Variants in RPGRIP1L observed in about 807,000 individuals in gnomAD.
RPGRIP1L encodes protein fantom.
In RPGRIP1L, 131 loss-of-function variants were observed where a neutral mutation model predicts 160.4. The observed-to-expected ratio is 0.82, with a 90% confidence interval of 0.71 to 0.94. The LOEUF (loss-of-function observed/expected upper bound fraction) is 0.94, where lower values mean the gene tolerates loss of function less well. Among genes scored for constraint, RPGRIP1L ranks in the 40% least tolerant of loss-of-function variants. The probability of loss-of-function intolerance (pLI) is 0.00; values close to 1 mark genes in which losing one functional copy is unlikely to be tolerated. For synonymous variants in RPGRIP1L, 510 were observed against 515.8 expected (o/e 0.99, Z 0.15); for missense variants, 1,522 against 1,535.8 (o/e 0.99, Z 0.15).
chr16:53,604,031 T>C (rs1963525488), intron 26 of RPGRIP1L, among the ~76,000 whole-genome samples: 1 of 152,146 alleles, frequency 6.6e-6, no homozygotes. Flanking sequence ...ATACGAAGAA[T>C]ATAAAGCAAA....
chr16:53,626,145 TAAAAAAAA>T (rs760491478), intron 22 of RPGRIP1L, among the ~76,000 whole-genome samples: 1 of 60,534 alleles, frequency 1.7e-5, no homozygotes, highest in African/African-American at 6.3e-5. Flanking sequence ...CAATAAATAC[TAAAAAAAA>T]AAAAAAAAAA....
At chr16:53,681,107 A>C (rs1969570474) in intron 6 of RPGRIP1L, among the ~76,000 whole-genome samples, 1 of 152,190 alleles carries the variant, frequency 6.6e-6, no homozygotes, top group Admixed American at 6.5e-5. Context: ...GCAGAGGGGA[A>C]AGAGTGAGCC....
rs562083416 is a variant in RPGRIP1L at position 53,633,909 on chromosome 16, C to T, written c.3294+2530G>A. 7.9e-5 allele frequency among the ~76,000 whole-genome samples: 12 copies of T among 152,274 alleles called. No homozygotes were observed. The East Asian group carries it at 2.3e-3, about 29-fold the overall frequency. On this transcript the variant is annotated intron_variant, in intron 22 of 26. Transcript: ENST00000647211. ...TATTAAATGATTTGCTAAAGTAGTA[C>T]ACACAAAAACTGGTAAAATCAATAG...
chr16:53,606,645 G>A (rs966261990), intron 25 of RPGRIP1L, among the ~76,000 whole-genome samples: 2 of 151,954 alleles, frequency 1.3e-5, no homozygotes, highest in African/African-American at 4.8e-5. Flanking sequence ...ATGGAGTCTC[G>A]CTCTGTCACC....
intron 13 of RPGRIP1L, 70 bp from the exon 14 acceptor site, chr16:53,656,659 G>C: frequency 9.0e-7 from 1 of 1,116,310 alleles, no homozygotes; most frequent in East Asian, 2.4e-5. Flanking sequence ...AAGCAACTAT[G>C]ATTCAAGCAT....
Position 53,692,064 on chromosome 16 carries a change from AC to A in RPGRIP1L, c.529+1del, listed in dbSNP as rs1157969908. The A allele has an allele frequency of 1.2e-6, 2 of 1,613,702 alleles. No homozygotes were observed. The highest frequency in any genetic ancestry group is 1.7e-6 in the Non-Finnish European group (2 of 1,179,738). ...TTAGATTTAACGTAAGCTTTGTTTT[AC>A]CTTTCCTGGGGCATTCCTGTAAACC... On this transcript the variant is annotated splice_donor_variant, in intron 4 of 26. Transcript: ENST00000647211. LOFTEE classifies it high-confidence loss of function.
intron 25 of RPGRIP1L, among the ~76,000 whole-genome samples, chr16:53,606,604 G>T (rs1963700772): frequency 6.6e-6 from 1 of 151,996 alleles, no homozygotes; most frequent in Admixed American, 6.6e-5. Context: ...CTAGCAATAA[G>T]AATTTTTTTG....
rs1199920720 is a variant in RPGRIP1L, at chr16:53,598,287, C to G, written c.*3789G>C. The G allele has an allele frequency of 6.6e-6, 1 of 152,122 alleles. No individual in the cohort carries two copies. Among genetic ancestry groups the G allele is most frequent in the Non-Finnish European group, 1.5e-5 (1 of 68,012 alleles). The allele number at this position is 152,122 out of a possible 1,614,324, so 9.4% of individuals were successfully genotyped here. A position where few individuals can be genotyped will look rare whatever the true frequency, so the allele number is the denominator to read the frequency against. ...AGAGGCAAAAAGCAGAAAAGTCAAA[C>G]AGCATCTACCTCAGAAAACAGGTCA... On this transcript the variant is annotated 3_prime_UTR_variant, in exon 27 of 27. Transcript: ENST00000647211.
chr16:53,632,766 T>C (rs1236820559), intron 22 of RPGRIP1L, among the ~76,000 whole-genome samples: 1 of 152,180 alleles, frequency 6.6e-6, no homozygotes, highest in African/African-American at 2.4e-5. Context: ...TTCATTCCTT[T>C]GGCCTATGAT....
Position 53,657,566 on chromosome 16 carries a change from C to T in RPGRIP1L, c.1468G>A (p.Asp490Asn). The T allele has an allele frequency of 2.5e-6, 4 of 1,603,558 alleles. No individual in the cohort carries two copies. The highest frequency in any genetic ancestry group is 3.4e-6 in the Non-Finnish European group (4 of 1,171,718). ...AGCTCTCTCATAGAGCGTTCTAGAT[C>T]TTTATTAATTTCACTATCTACTTTC... Reference protein sequence around the residue: ...LVKVDSEINKDLERSMRELQA... With the variant: ...LVKVDSEINKNLERSMRELQA... Residue 490 changes from aspartate (D) to asparagine (N), a missense_variant, in exon 13 of 27, where the codon GAT becomes AAT. By Grantham distance (23) the Asp-to-Asn change is conservative (BLOSUM62 1). Coordinates refer to ENST00000647211, the MANE Select transcript of RPGRIP1L (RefSeq NM_015272.5).
intron 23 of RPGRIP1L, among the ~76,000 whole-genome samples, chr16:53,621,069 A>G (rs571354311): frequency 1.6e-4 from 25 of 152,348 alleles, no homozygotes; most frequent in African/African-American, 5.0e-4. Flanking sequence ...CTGTGAAAAG[A>G]GGAATTTAAA....
Position 53,599,033 on chromosome 16 carries a change from T to C in RPGRIP1L, c.*3043A>G, listed in dbSNP as rs1197289509. 1.3e-5 allele frequency: 2 copies of C among 152,222 alleles called. No homozygotes were observed. The highest frequency in any genetic ancestry group is 2.9e-5 in the Non-Finnish European group (2 of 68,036). 9.4% of individuals were successfully genotyped at this position (152,222 alleles called of 1,614,324 possible). ...TCCACAAAAATGTTAATCAGATTCTTGTTAGAACATGTGTAAGAACTGGTT... is the reference window on the plus strand; with the variant it reads ...TCCACAAAAATGTTAATCAGATTCTCGTTAGAACATGTGTAAGAACTGGTT... On this transcript the variant is annotated 3_prime_UTR_variant, in exon 27 of 27. Coordinates refer to ENST00000647211, the MANE Select transcript of RPGRIP1L (RefSeq NM_015272.5).
intron 14 of RPGRIP1L, among the ~76,000 whole-genome samples, chr16:53,654,987 C>T (rs547684885): frequency 1.3e-5 from 2 of 152,294 alleles, no homozygotes; most frequent in South Asian, 4.1e-4. Flanking sequence ...CTGATGGTCT[C>T]TGAAACCATT....
intron 17 of RPGRIP1L, among the ~76,000 whole-genome samples, chr16:53,642,254 T>G (rs1238897944): frequency 6.6e-6 from 1 of 152,054 alleles, no homozygotes; most frequent in Non-Finnish European, 1.5e-5. Flanking sequence ...TATTCACAGA[T>G]GCGATCATAG....
intron 22 of RPGRIP1L, among the ~76,000 whole-genome samples, chr16:53,634,287 A>G (rs1236135564): frequency 6.6e-6 from 1 of 152,188 alleles, no homozygotes; most frequent in East Asian, 1.9e-4. Context: ...ATAATGTTGC[A>G]TTGGGGATTA....
intron 22 of RPGRIP1L, chr16:53,635,717 T>C (rs1222288071): frequency 1.3e-5 from 2 of 152,206 alleles, no homozygotes; most frequent in Non-Finnish European, 2.9e-5. Flanking sequence ...CTAAAAATTC[T>C]ACAAAAGTAC....
intron 23 of RPGRIP1L, among the ~76,000 whole-genome samples, chr16:53,620,235 T>G (rs1251039705): frequency 6.6e-6 from 1 of 152,184 alleles, no homozygotes; most frequent in Admixed American, 6.5e-5. Flanking sequence ...ATATAATTAA[T>G]CAAATTGAAA....
chr16:53,699,088 C>T (rs987820034), intron 2 of RPGRIP1L, among the ~76,000 whole-genome samples: 5 of 152,200 alleles, frequency 3.3e-5, no homozygotes, highest in African/African-American at 1.2e-4. Flanking sequence ...TGTGACCTTA[C>T]CCCGCAACCC....
intron 16 of RPGRIP1L, among the ~76,000 whole-genome samples, chr16:53,647,356 C>T (rs1033929920): frequency 2.0e-5 from 3 of 152,202 alleles, no homozygotes; most frequent in African/African-American, 7.2e-5. Flanking sequence ...GCTGGACCTT[C>T]GGAAGGCAGT....
Sources: allele counts gnomAD v4.1 joint callset (sites outside exome capture counted in the v4.1 genomes callset), GRCh38; gene constraint gnomAD v4.1.1; transcripts MANE v1.5; gene names NCBI Gene and HGNC (gene_info 2026-07-23, HGNC 2026-07-21).